Variants in TRAF3 observed in about 807,000 individuals in gnomAD.
TRAF3 encodes the protein TNF receptor associated factor 3, also known as TNF receptor-associated factor 3.
In TRAF3, 13 loss-of-function variants were observed where a neutral mutation model predicts 62.3. The observed-to-expected ratio is 0.21, with a 90% CI of 0.14 to 0.33. The LOEUF (loss-of-function observed/expected upper bound fraction) is 0.33. TRAF3 is among the 10% of genes least tolerant of loss of function. The pLI is 1.00. For missense variants in TRAF3, 440 were observed against 741.8 expected (o/e 0.59, Z 4.73); for synonymous variants, 269 against 283.4 (o/e 0.95, Z 0.51).
rs1402687701 is a variant in TRAF3, at chr14:102,857,654, C to A, written c.-17-12531C>A. Among the ~76,000 whole-genome samples, 5 of 152,180 alleles carry A rather than the reference C, an allele frequency of 3.3e-5. No homozygotes were observed. The East Asian group carries it at 9.6e-4, about 29-fold the overall frequency. The stretch of plus-strand genomic sequence containing the variant: ...GTGACATTCTTTACTAACCACAGGT[C>A]AGGAACCCTGCACAGGAACTGTGTA... On this transcript the variant is annotated intron_variant, in intron 2 of 11. Transcript: ENST00000392745.
At chr14:102,843,203 A>C (rs1886483846) in intron 2 of TRAF3, among the ~76,000 whole-genome samples, 1 of 145,166 alleles carries the variant, frequency 6.9e-6, no homozygotes, top group Non-Finnish European at 1.5e-5. Flanking sequence ...ACTCCATCTC[A>C]AAAAAAAAAA....
chr14:102,779,737 G>C (rs1012384646), intron 1 of TRAF3, among the ~76,000 whole-genome samples: 7 of 152,230 alleles, frequency 4.6e-5, no homozygotes, highest in African/African-American at 1.7e-4. Flanking sequence ...AACTGCCACT[G>C]TGGCGTTGCA....
chr14:102,838,183 C>G (rs1016510581), intron 2 of TRAF3, among the ~76,000 whole-genome samples: 3 of 152,176 alleles, frequency 2.0e-5, no homozygotes, highest in African/African-American at 7.2e-5. Context: ...GTAATTGTGA[C>G]AAATAATAAC....
At chr14:102,831,118 C>T (rs1392775212) in intron 2 of TRAF3, among the ~76,000 whole-genome samples, 1 of 152,176 alleles carries the variant, frequency 6.6e-6, no homozygotes, top group Non-Finnish European at 1.5e-5. Flanking sequence ...TCTCCCTATT[C>T]TTCTCACATG....
intron 9 of TRAF3, among the ~76,000 whole-genome samples, chr14:102,895,626 T>C (rs930630778): frequency 2.0e-5 from 3 of 152,180 alleles, no homozygotes; most frequent in Non-Finnish European, 2.9e-5. Context: ...ACCACCCCAA[T>C]GGATAGACAG....
chr14:102,810,088 A>G (rs189263180), intron 1 of TRAF3, among the ~76,000 whole-genome samples: 1 of 152,330 alleles, frequency 6.6e-6, no homozygotes, highest in African/African-American at 2.4e-5. Context: ...GAAACATAAA[A>G]TAGTTACTGT....
At chr14:102,894,506 G>A (rs766744317) in intron 9 of TRAF3, among the ~76,000 whole-genome samples, 9 of 152,082 alleles carry the variant, frequency 5.9e-5, no homozygotes, top group Admixed American at 2.6e-4. Flanking sequence ...CTCCTGGGCC[G>A]GTGTTTTGCC....
intron 1 of TRAF3, among the ~76,000 whole-genome samples, chr14:102,792,025 G>T (rs1344297858): frequency 6.7e-6 from 1 of 149,604 alleles, no homozygotes; most frequent in Non-Finnish European, 1.5e-5. Context: ...TCGCCATGTT[G>T]CCCAGGCTAG....
At chr14:102,878,926 G>A (rs940539901) in intron 6 of TRAF3, among the ~76,000 whole-genome samples, 1 of 152,146 alleles carries the variant, frequency 6.6e-6, no homozygotes, top group Admixed American at 6.5e-5. Context: ...TGAGGGTGGA[G>A]CGGTAGGATT....
intron 2 of TRAF3, among the ~76,000 whole-genome samples, chr14:102,868,240 G>A (rs1448750948): frequency 6.6e-6 from 1 of 152,198 alleles, no homozygotes; most frequent in East Asian, 1.9e-4. Flanking sequence ...TCGTGAGAAA[G>A]GATGGAGGAG....
chr14:102,797,935 C>T (rs1898190659), intron 1 of TRAF3, among the ~76,000 whole-genome samples: 1 of 152,010 alleles, frequency 6.6e-6, no homozygotes, highest in African/African-American at 2.4e-5. Flanking sequence ...CAGGGTTTCA[C>T]CATGTTGGTC....
intron 7 of TRAF3, among the ~76,000 whole-genome samples, chr14:102,888,545 C>T (rs1263040588): frequency 2.6e-5 from 4 of 152,198 alleles, no homozygotes; most frequent in Non-Finnish European, 2.9e-5. Context: ...GCTGCGCCCT[C>T]CAGGAGGATG....
intron 8 of TRAF3, among the ~76,000 whole-genome samples, chr14:102,890,441 G>A (rs1889644659): frequency 6.6e-6 from 1 of 152,210 alleles, no homozygotes; most frequent in African/African-American, 2.4e-5. Flanking sequence ...GAATGACTGT[G>A]CCTTCCTTTG....
At chr14:102,882,619 C>T (rs13379177) in intron 6 of TRAF3, among the ~76,000 whole-genome samples, 1 of 144,996 alleles carries the variant, frequency 6.9e-6, no homozygotes, top group Non-Finnish European at 1.5e-5. Flanking sequence ...CTGAGGCCTT[C>T]GTTGAGTTTA....
chr14:102,890,561 C>CAT lies in TRAF3; in HGVS notation c.727-755_727-754dup, dbSNP rs907751175. Among the ~76,000 whole-genome samples, 56 of 152,192 alleles carry CAT rather than the reference C, an allele frequency of 3.7e-4. 1 individual carries two copies. Among genetic ancestry groups the CAT allele is most frequent in the East Asian group, 1.9e-4 (1 of 5,184 alleles). ...TTATATATTGCAACACTTATATCAA[C>CAT]ATATATATATGAATATTCTATGTAC... On this transcript the variant is annotated intron_variant, in intron 8 of 11. Transcript: ENST00000392745.
chr14:102,904,537 G>A (rs1595416016), intron 11 of TRAF3, among the ~76,000 whole-genome samples: 3 of 152,246 alleles, frequency 2.0e-5, no homozygotes, highest in East Asian at 1.9e-4. Context: ...GAGGCCGGGT[G>A]CAGTGGCTCA....
chr14:102,805,015 G>T (rs1344217277), intron 1 of TRAF3, among the ~76,000 whole-genome samples: 1 of 152,162 alleles, frequency 6.6e-6, no homozygotes, highest in Admixed American at 6.5e-5. Flanking sequence ...GGACGTAGAA[G>T]AATTTGTATT....
At chr14:102,862,009 T>C (rs1887706108) in intron 2 of TRAF3, among the ~76,000 whole-genome samples, 1 of 152,248 alleles carries the variant, frequency 6.6e-6, no homozygotes, top group Non-Finnish European at 1.5e-5. Context: ...CTTTTCACTT[T>C]ATTGATAATC....
intron 2 of TRAF3, among the ~76,000 whole-genome samples, chr14:102,843,911 A>T (rs913743549): frequency 1.3e-5 from 2 of 152,244 alleles, no homozygotes; most frequent in South Asian, 2.1e-4. Context: ...AAAGGTGAAA[A>T]CACTATGGAT....
Sources: gnomAD v4.1 joint callset for allele counts (sites outside exome capture counted in the v4.1 genomes callset) on GRCh38, gnomAD v4.1.1 for gene constraint, MANE v1.5 for transcripts, NCBI Gene and HGNC (gene_info 2026-07-23, HGNC 2026-07-21) for gene names.